Variants in NSMCE2 observed in about 807,000 individuals in gnomAD.
NSMCE2 encodes E3 SUMO-protein ligase NSE2.
NSMCE2 carries 24 observed loss-of-function variants against 23.8 expected under a neutral mutation model. That is an observed-to-expected ratio of 1.01 (90% confidence interval 0.73 to 1.42). The LOEUF (loss-of-function observed/expected upper bound fraction) is 1.42, where lower values mean the gene tolerates loss of function less well. Among genes scored for constraint, NSMCE2 ranks in the 40% most tolerant of loss-of-function variants. The pLI is 0.00. For missense variants in NSMCE2, 284 were observed against 296.5 expected, an observed-to-expected ratio of 0.96 and a Z score of 0.31; for synonymous variants, 92 against 94.1, an observed-to-expected ratio of 0.98 and a Z score of 0.13.
At chr8:125,236,492 A>G (rs1825562074) in intron 5 of NSMCE2, among the ~76,000 whole-genome samples, 1 of 152,062 alleles carries the variant, frequency 6.6e-6, no homozygotes, top group African/African-American at 2.4e-5. Context: ...ATTTATGTGT[A>G]TATATAAATG....
At chr8:125,283,093 AAG>A (rs1484544591) in intron 5 of NSMCE2, among the ~76,000 whole-genome samples, 1 of 152,228 alleles carries the variant, frequency 6.6e-6, no homozygotes, top group Non-Finnish European at 1.5e-5. Context: ...AGTAAGTGGA[AAG>A]AGTAATAATA....
intron 5 of NSMCE2, among the ~76,000 whole-genome samples, chr8:125,230,294 C>T (rs1175624248): frequency 6.8e-6 from 1 of 146,544 alleles, no homozygotes; most frequent in Non-Finnish European, 1.5e-5. Flanking sequence ...TCTTACTGAA[C>T]TAATACCCTA....
At chr8:125,118,897 A>G (rs1819143561) in intron 3 of NSMCE2, among the ~76,000 whole-genome samples, 2 of 152,152 alleles carry the variant, frequency 1.3e-5, no homozygotes, top group Admixed American at 1.3e-4. Context: ...AATCATAAGT[A>G]TTTATTCTTC....
At chr8:125,286,774 CA>C (rs11403131) in intron 5 of NSMCE2, among the ~76,000 whole-genome samples, 230 of 131,576 alleles carry the variant, frequency 1.7e-3, no homozygotes, top group African/African-American at 3.3e-3. Context: ...AAGCCTAGAG[CA>C]AAAAAAAAAA....
At chr8:125,286,415 T>C (rs1475437759) in intron 5 of NSMCE2, among the ~76,000 whole-genome samples, 3 of 151,558 alleles carry the variant, frequency 2.0e-5, no homozygotes, top group Admixed American at 6.6e-5. Flanking sequence ...TGGGTTCAAG[T>C]GATGCTCCTG....
Position 125,359,330 on chromosome 8 carries a change from C to CTT in NSMCE2, c.626+1531_626+1532dup, listed in dbSNP as rs34421417. On this transcript the variant is annotated intron_variant, in intron 7 of 7. Coordinates refer to ENST00000287437, the MANE Select transcript of NSMCE2 (RefSeq NM_173685.4). ...AATGGCATGCTTTCTTGCTCTTTCT[C>CTT]TTTTTTTTTTTTTTTTTTTTGAGAC... Among the ~76,000 whole-genome samples the CTT allele has an allele frequency of 6.9e-3, 708 of 102,874 alleles. 16 individuals carry two copies. The highest frequency in any genetic ancestry group is 0.019 in the African/African-American group (534 of 27,504). 67.5% of individuals were successfully genotyped at this position (102,874 alleles called of 152,430 possible).
intron 5 of NSMCE2, among the ~76,000 whole-genome samples, chr8:125,317,072 T>C (rs548321426): frequency 6.7e-6 from 1 of 149,648 alleles, no homozygotes; most frequent in African/African-American, 2.5e-5. Context: ...CCAGGCTGGC[T>C]CACCACTCCT....
intron 5 of NSMCE2, among the ~76,000 whole-genome samples, chr8:125,246,722 T>C (rs1825977631): frequency 6.6e-6 from 1 of 152,192 alleles, no homozygotes; most frequent in Admixed American, 6.5e-5. Context: ...AGCTAGGGTA[T>C]CTATGACCAA....
At chr8:125,337,762 G>A (rs1194695797) in intron 5 of NSMCE2, among the ~76,000 whole-genome samples, 1 of 151,980 alleles carries the variant, frequency 6.6e-6, no homozygotes, top group African/African-American at 2.4e-5. Context: ...GGGCGTGGTG[G>A]CACATGGCTG....
intron 4 of NSMCE2, among the ~76,000 whole-genome samples, chr8:125,169,546 C>T (rs1822065585): frequency 6.6e-6 from 1 of 152,174 alleles, no homozygotes; most frequent in African/African-American, 2.4e-5. Flanking sequence ...CTTACTTCCC[C>T]TACTTAGCTC....
chr8:125,295,322 T>C (rs1828279127), intron 5 of NSMCE2, among the ~76,000 whole-genome samples: 1 of 152,164 alleles, frequency 6.6e-6, no homozygotes, highest in Non-Finnish European at 1.5e-5. Context: ...AGTTTCACCA[T>C]CTTGGTTTGA....
intron 5 of NSMCE2, among the ~76,000 whole-genome samples, chr8:125,208,823 G>A (rs1824214799): frequency 6.6e-6 from 1 of 152,130 alleles, no homozygotes; most frequent in Non-Finnish European, 1.5e-5. Context: ...TCCCAAGAAG[G>A]TAATTATCTA....
intron 5 of NSMCE2, among the ~76,000 whole-genome samples, chr8:125,225,631 G>A (rs1825059577): frequency 6.6e-6 from 1 of 152,152 alleles, no homozygotes; most frequent in Admixed American, 6.5e-5. Flanking sequence ...GTTTCACATT[G>A]TGCTCTGGGG....
intron 4 of NSMCE2, among the ~76,000 whole-genome samples, chr8:125,158,399 A>G (rs529163997): frequency 6.6e-6 from 1 of 152,220 alleles, no homozygotes; most frequent in Admixed American, 6.5e-5. Flanking sequence ...AGAGAAGGAA[A>G]TGTTTGAGAG....
chr8:125,121,918 T>C (rs1011489233), intron 3 of NSMCE2, among the ~76,000 whole-genome samples: 3 of 152,160 alleles, frequency 2.0e-5, no homozygotes, highest in Non-Finnish European at 2.9e-5. Context: ...ATTGGAAATA[T>C]ACATTTTAAT....
chr8:125,264,437 C>T (rs1200000853), intron 5 of NSMCE2, among the ~76,000 whole-genome samples: 1 of 152,124 alleles, frequency 6.6e-6, no homozygotes, highest in Non-Finnish European at 1.5e-5. Flanking sequence ...AATGGAGTCT[C>T]TCTCTGTTGC....
At chr8:125,159,917 GCC>G (rs1821515623) in intron 4 of NSMCE2, among the ~76,000 whole-genome samples, 2 of 150,832 alleles carry the variant, frequency 1.3e-5, no homozygotes, top group Admixed American at 1.3e-4. Flanking sequence ...CCATGATGGC[GCC>G]ACTGCACTCC....
chr8:125,110,233 A>G (rs1053884729), intron 3 of NSMCE2, among the ~76,000 whole-genome samples: 1 of 152,232 alleles, frequency 6.6e-6, no homozygotes. Context: ...CTGCAATTCT[A>G]CAAAAATGTA....
At position 125,316,732 on chromosome 8, in the gene NSMCE2, TTTCC is replaced by T. The variant is rs58493916; in HGVS notation, c.419-40451_419-40448del. On this transcript the variant is annotated intron_variant, in intron 5 of 7. Coordinates refer to ENST00000287437, the MANE Select transcript of NSMCE2 (RefSeq NM_173685.4). ...CTTCTTTCCTTCTTTCTTTCCTTCT[TTTCC>T]TTCCTTCCTTCCTTCCTTCCTTCCT... Among the ~76,000 whole-genome samples the T allele has an allele frequency of 6.2e-3, 639 of 102,460 alleles. 17 individuals carry two copies. Among genetic ancestry groups the T allele is most frequent in the East Asian group, 0.059 (227 of 3,880 alleles). The allele number at this position is 102,460 out of a possible 152,430, so 67.2% of individuals were successfully genotyped here. A position where few individuals can be genotyped will look rare whatever the true frequency, so the allele number is the denominator to read the frequency against.
Sources: gnomAD v4.1 joint callset for allele counts (sites outside exome capture counted in the v4.1 genomes callset) on GRCh38, gnomAD v4.1.1 for gene constraint, MANE v1.5 for transcripts, NCBI Gene and HGNC (gene_info 2026-07-23, HGNC 2026-07-21) for gene names.